Variants in TMEM62 observed in about 807,000 individuals in gnomAD.
The protein encoded by TMEM62 is transmembrane protein 62.
Under a neutral mutation model 70.4 loss-of-function variants are expected in TMEM62, and 41 were observed. That is an observed-to-expected ratio of 0.58 (90% CI 0.45 to 0.76). TMEM62 has a LOEUF of 0.76. Ranked by LOEUF, TMEM62 falls within the 30% of genes least tolerant of loss-of-function variation. The pLI, the probability that TMEM62 is intolerant of heterozygous loss-of-function variation, is 0.00. For synonymous variants in TMEM62, 268 were observed against 291.0 expected, an observed-to-expected ratio of 0.92 and a Z score of 0.80; for missense variants, 688 against 788.5, an observed-to-expected ratio of 0.87 and a Z score of 1.53.
Position 43,160,561 on chromosome 15 carries a change from CAACAACAAT to C in TMEM62, c.1183-111_1183-103del, listed in dbSNP as rs920026332. The C allele has an allele frequency of 1.4e-4, 88 of 625,916 alleles. No homozygotes were observed. In the African/African-American group the frequency reaches 1.4e-3, roughly 10 times the overall value. The allele number at this position is 625,916 out of a possible 1,614,324, so 38.8% of individuals were successfully genotyped here. On this transcript the variant is annotated intron_variant, in intron 9 of 13. Transcript: ENST00000260403. The stretch of plus-strand genomic sequence containing the variant: ...CCTTGAAAAACAACAACAACAACAA[CAACAACAAT>C]AACAACAACAACAAAGTGTAGTTAT...
intron 4 of TMEM62, among the ~76,000 whole-genome samples, chr15:43,140,505 C>CCT (rs145022311): frequency 0.037 from 5,613 of 152,206 alleles, 341 homozygotes; most frequent in African/African-American, 0.12. Context: ...AAGAACTCTC[C>CCT]CTCTCCCATC....
intron 7 of TMEM62, among the ~76,000 whole-genome samples, chr15:43,149,413 A>G (rs962992183): frequency 6.6e-6 from 1 of 152,160 alleles, no homozygotes; most frequent in Non-Finnish European, 1.5e-5. Context: ...TGTGCACAAG[A>G]ATTATGGAGG....
At chr15:43,153,773 G>C (rs145792384) in intron 8 of TMEM62, among the ~76,000 whole-genome samples, 50 of 152,024 alleles carry the variant, frequency 3.3e-4, no homozygotes, top group African/African-American at 1.2e-3. Flanking sequence ...TCTAACTTTT[G>C]GCTATATTGA....
At chr15:43,169,230 C>G (rs1349526049) in intron 10 of TMEM62, 2 of 176,488 alleles carry the variant, frequency 1.1e-5, no homozygotes, top group African/African-American at 4.7e-5. Context: ...ATTTGGTGTT[C>G]TGAGGGGAAA....
At chr15:43,159,088 A>AT (rs1292797486) in intron 9 of TMEM62, among the ~76,000 whole-genome samples, 2 of 151,962 alleles carry the variant, frequency 1.3e-5, no homozygotes, top group African/African-American at 2.4e-5. Flanking sequence ...CTTTAAAAAA[A>AT]TTTTTTTTAA....
At chr15:43,170,054 G>A (rs1415090020) in intron 11 of TMEM62, among the ~76,000 whole-genome samples, 2 of 152,174 alleles carry the variant, frequency 1.3e-5, no homozygotes, top group Non-Finnish European at 2.9e-5. Context: ...GAATGTTTAC[G>A]TTAAGATAAG....
At chr15:43,168,732 G>C (rs1208345134) in intron 10 of TMEM62, among the ~76,000 whole-genome samples, 2 of 152,172 alleles carry the variant, frequency 1.3e-5, no homozygotes, top group Non-Finnish European at 1.5e-5. Context: ...TGTCTCACTG[G>C]GTCTTGTGCA....
rs779106185 is a variant in TMEM62, at chr15:43,154,749, A to G, written c.1100A>G (p.His367Arg). Reference sequence around the variant, plus strand: ...GGAGTTCATTTAGGCCAGGCTGTTCATGTGTCTGGTCCCATTTTCGTACTG... The same window carrying G: ...GGAGTTCATTTAGGCCAGGCTGTTCGTGTGTCTGGTCCCATTTTCGTACTG... ...IDGVHLGQAV[H>R]VSGPIFVLKW... The change falls in exon 9 of 14, where the codon CAT becomes CGT. Residue 367 changes from histidine to arginine, a missense_variant. Coordinates refer to ENST00000260403, the MANE Select transcript of TMEM62 (RefSeq NM_024956.4). 1 of 1,614,068 alleles carries G rather than the reference A, an allele frequency of 6.2e-7. No individual in the cohort carries two copies.
chr15:43,160,704 T>C lies in TMEM62; in HGVS notation c.1206T>C (p.Ser402=), dbSNP rs763636145. 1.2e-6 allele frequency: 2 copies of C among 1,610,750 alleles called. No homozygotes were observed. The highest frequency in any genetic ancestry group is 1.7e-5 in the Admixed American group (1 of 59,814). Residue 402 remains serine (S), a synonymous_variant, in exon 10 of 14, where the codon AGT becomes AGC. Transcript: ENST00000260403. ...IVQDSAGRSK[S]VHHIFSVQEN... ...AGGATTCTGCTGGAAGAAGTAAGAG[T>C]GTTCACCACATATTTTCTGTTCAAG...
At chr15:43,148,692 T>C in intron 5 of TMEM62, 63 bp from the exon 6 acceptor site, 7 of 1,571,072 alleles carry the variant, frequency 4.5e-6, no homozygotes, top group Non-Finnish European at 6.0e-6. Context: ...TTTTCTAATC[T>C]GTTGACATTA....
At chr15:43,151,992 A>C (rs1273375712) in intron 8 of TMEM62, 47 bp downstream of exon 8, 29 of 1,475,880 alleles carry the variant, frequency 2.0e-5, no homozygotes, top group Non-Finnish European at 2.6e-5. Context: ...ATAATGAAGG[A>C]GAATAAGTCA....
chr15:43,157,199 G>A (rs1475714968), intron 9 of TMEM62, among the ~76,000 whole-genome samples: 3 of 152,064 alleles, frequency 2.0e-5, no homozygotes, highest in Non-Finnish European at 4.4e-5. Context: ...GTGGGTCCTG[G>A]GCTAGTGGCA....
At position 43,145,050 on chromosome 15, in the gene TMEM62, G is replaced by A. The variant is rs565656273; in HGVS notation, c.477-1443G>A. On this transcript the variant is annotated intron_variant, in intron 4 of 13. Coordinates refer to ENST00000260403, the MANE Select transcript of TMEM62 (RefSeq NM_024956.4). ...AGAGAGGAGGCAGAGCTTGCAGTGA[G>A]CCAAGATCGCGTCACTGCACTCCAG... 1.8e-3 allele frequency among the ~76,000 whole-genome samples: 242 copies of A among 135,856 alleles called. 1 individual carries two copies. In the Middle Eastern group the frequency reaches 0.039, roughly 22 times the overall value. 89.1% of individuals were successfully genotyped at this position (135,856 alleles called of 152,430 possible).
At chr15:43,143,570 T>C (rs1437035342) in intron 4 of TMEM62, among the ~76,000 whole-genome samples, 1 of 152,242 alleles carries the variant, frequency 6.6e-6, no homozygotes, top group Non-Finnish European at 1.5e-5. Context: ...AAGTCATTTA[T>C]ATCAGAGCTT....
intron 8 of TMEM62, among the ~76,000 whole-genome samples, chr15:43,154,170 G>GT (rs972186936): frequency 6.6e-6 from 1 of 152,106 alleles, no homozygotes; most frequent in African/African-American, 2.4e-5. Flanking sequence ...TGTCAGTCAG[G>GT]TTTTTTGGTG....
In TMEM62 at chr15:43,151,875, C is replaced by T. The variant is rs867823942; in HGVS notation, c.952C>T (p.Pro318Ser). ...GTGGCCTGTGGTTCTTATCACCAAT[C>T]CTAAATCACTCCTTTATAGTTGTGG... ...GKWPVVLITN[P>S]KSLLYSCGEH... The change falls in exon 8 of 14, where the codon CCT becomes TCT. Residue 318 changes from proline to serine, a missense_variant. Transcript: ENST00000260403. 6.2e-7 allele frequency: 1 copy of T among 1,613,830 alleles called. No homozygotes were observed. The highest frequency in any genetic ancestry group is 1.1e-5 in the South Asian group (1 of 91,074).
chr15:43,185,034 C>G lies in TMEM62; in HGVS notation c.*448C>G, dbSNP rs907172824. 4.0e-6 allele frequency: 1 copy of G among 247,624 alleles called. No homozygotes were observed. Among genetic ancestry groups the G allele is most frequent in the Non-Finnish European group, 7.9e-6 (1 of 126,422 alleles). The allele number at this position is 247,624 out of a possible 1,614,324, so 15.3% of individuals were successfully genotyped here. A position where few individuals can be genotyped will look rare whatever the true frequency, so the allele number is the denominator to read the frequency against. ...GATCTGGGCCCGACCCTCACTACCC[C>G]TGAGATATTAGTTCCCAGGCCTGTT... On this transcript the variant is annotated 3_prime_UTR_variant, in exon 14 of 14. Coordinates refer to ENST00000260403, the MANE Select transcript of TMEM62 (RefSeq NM_024956.4).
intron 2 of TMEM62, among the ~76,000 whole-genome samples, chr15:43,135,124 T>C (rs2035029801): frequency 6.6e-6 from 1 of 152,246 alleles, no homozygotes; most frequent in Non-Finnish European, 1.5e-5. Context: ...AAATCACATA[T>C]TCTGATTTTG....
At chr15:43,142,228 C>T (rs958995036) in intron 4 of TMEM62, among the ~76,000 whole-genome samples, 11 of 142,752 alleles carry the variant, frequency 7.7e-5, no homozygotes, top group Non-Finnish European at 1.3e-4. Context: ...TGCAGTGGTG[C>T]GATCTTGGCT....
Sources: gnomAD v4.1 joint callset for allele counts (sites outside exome capture counted in the v4.1 genomes callset) on GRCh38, gnomAD v4.1.1 for gene constraint, MANE v1.5 for transcripts, NCBI Gene and HGNC (gene_info 2026-07-23, HGNC 2026-07-21) for gene names.